The following DAP3 variants were observed in gnomAD, a reference collection of about 807,000 sequenced individuals.
DAP3 encodes the protein death associated protein 3.
In DAP3, 28 loss-of-function variants were observed where a neutral mutation model predicts 51.9. The ratio of observed to expected loss-of-function variants is 0.54; its 90% CI spans 0.40 to 0.74. The LOEUF is 0.74. Ranked by LOEUF, DAP3 falls within the 30% of genes least tolerant of loss-of-function variation. The pLI is 0.00. For missense variants in DAP3, 458 were observed against 483.5 expected, an observed-to-expected ratio of 0.95 and a Z score of 0.49; for synonymous variants, 170 against 170.3, an observed-to-expected ratio of 1.00 and a Z score of 0.01.
chr1:155,718,189 C>T (rs1657542604), intron 3 of DAP3, among the ~76,000 whole-genome samples: 1 of 152,010 alleles, frequency 6.6e-6, no homozygotes, highest in Admixed American at 6.6e-5. Flanking sequence ...AGTTCTAGAC[C>T]AGCCTAGCCA....
At chr1:155,733,448 G>A (rs1401393327) in intron 11 of DAP3, among the ~76,000 whole-genome samples, 1 of 152,206 alleles carries the variant, frequency 6.6e-6, no homozygotes, top group Admixed American at 6.5e-5. Context: ...AGCCTCCGCA[G>A]CTGGTATGGT....
intron 2 of DAP3, among the ~76,000 whole-genome samples, chr1:155,713,620 C>T (rs573392472): frequency 1.3e-5 from 2 of 152,280 alleles, no homozygotes; most frequent in East Asian, 3.9e-4. Flanking sequence ...CCCTTTTCTT[C>T]CGAGCGTGTA....
chr1:155,708,717 T>C (rs1656314312), intron 1 of DAP3, among the ~76,000 whole-genome samples: 1 of 148,980 alleles, frequency 6.7e-6, no homozygotes, highest in African/African-American at 2.5e-5. Flanking sequence ...TTTTTTTTTT[T>C]TTTTTGAGAC....
Position 155,738,271 on chromosome 1 carries a change from G to A in DAP3, c.*29G>A, listed in dbSNP as rs183608632. The A allele has an allele frequency of 6.2e-7, 1 of 1,612,640 alleles. No individual in the cohort carries two copies. The highest frequency in any genetic ancestry group is 2.2e-5 in the East Asian group (1 of 44,878). ...AAGATCACAGCATGTGAGGAAGACA[G>A]TGGACATCTGCTTTATGCTGGACCC... On this transcript the variant is annotated 3_prime_UTR_variant, in exon 13 of 13. Transcript: ENST00000368336.
intron 10 of DAP3, 33 bp from the exon 11 acceptor site, chr1:155,731,911 T>C: frequency 6.4e-7 from 1 of 1,564,792 alleles, no homozygotes; most frequent in Non-Finnish European, 8.6e-7. Context: ...CTTTTTAACT[T>C]TTTCCAGTTC....
At chr1:155,737,524 C>T (rs946584684) in intron 12 of DAP3, among the ~76,000 whole-genome samples, 1 of 152,186 alleles carries the variant, frequency 6.6e-6, no homozygotes, top group African/African-American at 2.4e-5. Flanking sequence ...TCTACTCTGA[C>T]TGAAAGCATT....
In DAP3 at chr1:155,738,238, T is replaced by A. The variant is rs1351987058; in HGVS notation, c.1193T>A (p.Leu398His). The change falls in exon 13 of 13, where the codon CTC (leucine) becomes CAC (histidine). Residue 398 changes from leucine (L) to histidine (H), a missense_variant. Leu to His is a moderately conservative substitution (Grantham distance 99, BLOSUM62 -3). Transcript: ENST00000368336. Reference sequence around the variant, plus strand: ...CTGCTGGAGCGGCACTGTGCCTACCTCTAAGCCAAGATCACAGCATGTGAG... The same window carrying A: ...CTGCTGGAGCGGCACTGTGCCTACCACTAAGCCAAGATCACAGCATGTGAG... ...PSLLERHCAY[L>H] 1 of 1,614,180 alleles carries A rather than the reference T, an allele frequency of 6.2e-7. No homozygotes were observed. The highest frequency in any genetic ancestry group is 1.3e-5 in the African/African-American group (1 of 75,056).
intron 11 of DAP3, among the ~76,000 whole-genome samples, chr1:155,734,490 G>C (rs547568802): frequency 6.6e-6 from 1 of 152,030 alleles, no homozygotes; most frequent in Admixed American, 6.6e-5. Flanking sequence ...ATCATTCTTT[G>C]ACCACTTCTT....
At chr1:155,700,698 G>T (rs1655115174) in intron 1 of DAP3, among the ~76,000 whole-genome samples, 1 of 144,916 alleles carries the variant, frequency 6.9e-6, no homozygotes, top group African/African-American at 2.5e-5. Flanking sequence ...GGAGATGGGG[G>T]GGTCAGCCCC....
Position 155,707,139 on chromosome 1 carries a change from C to T in DAP3, c.-7-2634C>T, listed in dbSNP as rs532883421. Among the ~76,000 whole-genome samples, 17 of 150,160 alleles carry T rather than the reference C, an allele frequency of 1.1e-4. No homozygotes were observed. The East Asian group carries it at 2.0e-3, about 18-fold the overall frequency. Reference sequence around the variant, plus strand: ...CAAAAAAAATTTATAATAGGCCAGGCGCGGTGGCTCACGCCTGTAATCCCA... The same window carrying T: ...CAAAAAAAATTTATAATAGGCCAGGTGCGGTGGCTCACGCCTGTAATCCCA... On this transcript the variant is annotated intron_variant, in intron 1 of 12. Coordinates refer to ENST00000368336, the MANE Select transcript of DAP3 (RefSeq NM_004632.4).
At chr1:155,716,470 G>A (rs1571505278) in intron 2 of DAP3, among the ~76,000 whole-genome samples, 2 of 152,196 alleles carry the variant, frequency 1.3e-5, no homozygotes, top group East Asian at 3.9e-4. Context: ...CTACTCGGGA[G>A]GCTGAGGCAG....
At position 155,738,343 on chromosome 1, in the gene DAP3, C is replaced by G; in HGVS notation, c.*101C>G. The G allele has an allele frequency of 1.5e-6, 2 of 1,312,856 alleles. No homozygotes were observed. Among genetic ancestry groups the G allele is most frequent in the African/African-American group, 1.5e-5 (1 of 68,188 alleles). 81.3% of individuals were successfully genotyped at this position (1,312,856 alleles called of 1,614,324 possible). The stretch of plus-strand genomic sequence containing the variant: ...AGTACACAGGAAGAGGAGCCAGGCC[C>G]TTGTACCTATGGGATTGGACAGGAC... On this transcript the variant is annotated 3_prime_UTR_variant, in exon 13 of 13. Coordinates refer to ENST00000368336, the MANE Select transcript of DAP3 (RefSeq NM_004632.4).
chr1:155,689,021 C>G (rs372502183), upstream of DAP3: 3 of 1,585,072 alleles, frequency 1.9e-6, no homozygotes, highest in Non-Finnish European at 2.6e-6. Flanking sequence ...GCCCCTCTGC[C>G]GGCCGGTGGT....
At chr1:155,688,231 A>C, upstream of DAP3, 1 of 1,612,920 alleles carries the variant, frequency 6.2e-7, no homozygotes, top group South Asian at 1.1e-5. Flanking sequence ...GGAGAAGGGA[A>C]AGGTGGAGGG....
intron 3 of DAP3, among the ~76,000 whole-genome samples, chr1:155,720,654 A>C (rs1385876738): frequency 1.3e-5 from 2 of 151,994 alleles, no homozygotes; most frequent in Non-Finnish European, 2.9e-5. Flanking sequence ...ATCTCAAAAA[A>C]AAAACAAAAC....
intron 12 of DAP3, among the ~76,000 whole-genome samples, chr1:155,737,784 A>T (rs367814478): frequency 1.3e-5 from 2 of 151,904 alleles, no homozygotes; most frequent in African/African-American, 2.4e-5. Flanking sequence ...AAAAAAAAAA[A>T]TACTATTTAG....
At chr1:155,693,046 G>A (rs1239843778) in intron 1 of DAP3, among the ~76,000 whole-genome samples, 1 of 141,532 alleles carries the variant, frequency 7.1e-6, no homozygotes, top group Non-Finnish European at 1.5e-5. Context: ...TTTTGTTCTG[G>A]TAAACACTCC....
intron 1 of DAP3, among the ~76,000 whole-genome samples, chr1:155,698,602 G>T (rs1056924106): frequency 6.6e-6 from 1 of 152,098 alleles, no homozygotes; most frequent in African/African-American, 2.4e-5. Context: ...GACCAAACAG[G>T]CAAAGGAATT....
At chr1:155,732,739 C>G (rs1659371596) in intron 11 of DAP3, among the ~76,000 whole-genome samples, 1 of 152,048 alleles carries the variant, frequency 6.6e-6, no homozygotes, top group African/African-American at 2.4e-5. Flanking sequence ...GTTGTCATGT[C>G]TCTGGCTGGG....
Sources: allele counts gnomAD v4.1 joint callset (sites outside exome capture counted in the v4.1 genomes callset), GRCh38; gene constraint gnomAD v4.1.1; transcripts MANE v1.5; gene names NCBI Gene and HGNC (gene_info 2026-07-23, HGNC 2026-07-21).